SDK1: variants seen among roughly 807,000 people sequenced by gnomAD.
The protein encoded by SDK1 is sidekick cell adhesion molecule 1, also known as protein sidekick-1.
Under a neutral mutation model 245.5 loss-of-function variants are expected in SDK1, and 157 were observed. The ratio of observed to expected loss-of-function variants is 0.64; its 90% CI spans 0.56 to 0.73. The LOEUF (loss-of-function observed/expected upper bound fraction) is 0.73, where lower values mean the gene tolerates loss of function less well. SDK1 is among the 30% of genes least tolerant of loss of function. SDK1 has a pLI of 0.00. For synonymous variants in SDK1, 1,647 were observed against 1,278.5 expected (o/e 1.29, Z -6.15); for missense variants, 3,583 against 3,002.3 (o/e 1.19, Z -4.52).
chr7:3,427,521 CAA>C (rs57827479), intron 1 of SDK1, among the ~76,000 whole-genome samples: 9,626 of 96,108 alleles, frequency 0.1, 636 homozygotes, highest in African/African-American at 0.22. Context: ...CTCCATCTCC[CAA>C]AAAAAAAAAA....
intron 1 of SDK1, among the ~76,000 whole-genome samples, chr7:3,427,248 A>T (rs1222068804): frequency 6.6e-6 from 1 of 152,194 alleles, no homozygotes; most frequent in Non-Finnish European, 1.5e-5. Flanking sequence ...ACATTAGATG[A>T]AAGGCTCACA....
rs113668842 is a variant in SDK1 at position 3,409,175 on chromosome 7, T to G, written c.298+107291T>G. 3.9e-5 allele frequency among the ~76,000 whole-genome samples: 6 copies of G among 152,368 alleles called. 2 individuals carry two copies. Among genetic ancestry groups the G allele is most frequent in the African/African-American group, 1.4e-4 (6 of 41,590 alleles). On this transcript the variant is annotated intron_variant, in intron 1 of 44. Coordinates refer to ENST00000404826, the MANE Select transcript of SDK1 (RefSeq NM_152744.4). ...CTTCTGCTTCAGATTAACATGAGCC[T>G]TGTTATTCAATTTCATGTTGGTGTT... is the stretch of plus-strand genomic sequence containing the variant.
chr7:3,620,753 G>T (rs1344829882), intron 2 of SDK1, among the ~76,000 whole-genome samples: 2 of 152,106 alleles, frequency 1.3e-5, no homozygotes, highest in African/African-American at 4.8e-5. Flanking sequence ...CAAAGGCATG[G>T]ACACTCCCTG....
chr7:3,515,426 T>A (rs1038650188), intron 1 of SDK1, among the ~76,000 whole-genome samples: 1 of 152,212 alleles, frequency 6.6e-6, no homozygotes, highest in African/African-American at 2.4e-5. Flanking sequence ...GTAATTACTT[T>A]AATGACAGTG....
intron 22 of SDK1, among the ~76,000 whole-genome samples, chr7:4,092,155 G>C (rs1425469209): frequency 6.6e-6 from 1 of 152,216 alleles, no homozygotes; most frequent in Non-Finnish European, 1.5e-5. Context: ...AACAGTGCCT[G>C]TCTCACGGGT....
chr7:3,548,563 G>C (rs117141521), intron 1 of SDK1, among the ~76,000 whole-genome samples: 747 of 152,276 alleles, frequency 4.9e-3, no homozygotes, highest in Non-Finnish European at 8.2e-3. Flanking sequence ...TTGGTAAGTG[G>C]ATACATGATT....
At chr7:3,813,177 T>A (rs1196999831) in intron 4 of SDK1, among the ~76,000 whole-genome samples, 2 of 150,356 alleles carry the variant, frequency 1.3e-5, no homozygotes, top group Non-Finnish European at 3.0e-5. Context: ...TAGTTACATA[T>A]GTATACATGT....
intron 1 of SDK1, among the ~76,000 whole-genome samples, chr7:3,365,155 G>A (rs1040514442): frequency 1.1e-4 from 17 of 152,156 alleles, no homozygotes; most frequent in African/African-American, 4.1e-4. Flanking sequence ...TAAAGCCATT[G>A]AACATGGAGA....
Position 4,265,415 on chromosome 7 carries a change from C to T in SDK1, c.*31C>T. ...GCGCCGCGCCTCCCTCAGGGCGGAACGGAGGCAACTTTCCGGAGTCTATTT... is the reference window on the plus strand; with the variant it reads ...GCGCCGCGCCTCCCTCAGGGCGGAATGGAGGCAACTTTCCGGAGTCTATTT... On this transcript the variant is annotated 3_prime_UTR_variant, in exon 45 of 45. Coordinates refer to ENST00000404826, the MANE Select transcript of SDK1 (RefSeq NM_152744.4). 7.1e-7 allele frequency: 1 copy of T among 1,408,058 alleles called. No homozygotes were observed. Among genetic ancestry groups the T allele is most frequent in the Non-Finnish European group, 9.2e-7 (1 of 1,089,876 alleles). The allele number at this position is 1,408,058 out of a possible 1,614,324, so 87.2% of individuals were successfully genotyped here. A position where few individuals can be genotyped will look rare whatever the true frequency, so the allele number is the denominator to read the frequency against.
chr7:3,522,881 G>A (rs550401878), intron 1 of SDK1, among the ~76,000 whole-genome samples: 31 of 64,884 alleles, frequency 4.8e-4, no homozygotes, highest in African/African-American at 1.9e-3. Context: ...CTTTGTCTGC[G>A]GAGATCTGAT....
chr7:3,900,527 C>G (rs182374817), intron 5 of SDK1, among the ~76,000 whole-genome samples: 2 of 152,174 alleles, frequency 1.3e-5, no homozygotes, highest in African/African-American at 4.8e-5. Context: ...GCTTCATATC[C>G]TTATAGAATT....
At chr7:4,035,263 G>T (rs1211094014) in intron 17 of SDK1, among the ~76,000 whole-genome samples, 1 of 152,164 alleles carries the variant, frequency 6.6e-6, no homozygotes, top group East Asian at 1.9e-4. Flanking sequence ...GGGATTACAG[G>T]TGTGTGCCAC....
chr7:3,812,042 T>A (rs1779397916), intron 4 of SDK1, among the ~76,000 whole-genome samples: 1 of 152,210 alleles, frequency 6.6e-6, no homozygotes, highest in Admixed American at 6.5e-5. Flanking sequence ...ATTTATCTTT[T>A]TATGCCTTTG....
chr7:3,811,205 C>T (rs1779374778), intron 4 of SDK1, among the ~76,000 whole-genome samples: 1 of 152,148 alleles, frequency 6.6e-6, no homozygotes, highest in South Asian at 2.1e-4. Context: ...GAATTGTTAT[C>T]CCCATTTTAC....
chr7:4,175,645 C>T (rs906496455), intron 33 of SDK1, 130 bp from the exon 34 acceptor site: 73 of 788,526 alleles, frequency 9.3e-5, no homozygotes, highest in Admixed American at 1.7e-4. Flanking sequence ...TTTATTGCCC[C>T]GGGAGGCGCA....
intron 4 of SDK1, among the ~76,000 whole-genome samples, chr7:3,665,610 T>C (rs1783500402): frequency 6.6e-6 from 1 of 152,218 alleles, no homozygotes; most frequent in Non-Finnish European, 1.5e-5. Flanking sequence ...TTCCTTGTCC[T>C]TCTCTTTTTT....
At chr7:3,555,615 ACAAT>A (rs1253697527) in intron 1 of SDK1, among the ~76,000 whole-genome samples, 3 of 152,190 alleles carry the variant, frequency 2.0e-5, no homozygotes, top group African/African-American at 7.2e-5. Context: ...GCAAAGGAAA[ACAAT>A]CAACAAAGCA....
intron 4 of SDK1, among the ~76,000 whole-genome samples, chr7:3,677,477 T>A (rs1783941125): frequency 6.6e-6 from 1 of 152,132 alleles, no homozygotes; most frequent in Non-Finnish European, 1.5e-5. Context: ...ACAAGAGAGC[T>A]TGTGCAAGGG....
chr7:3,947,414 A>G (rs1458888153), intron 5 of SDK1, among the ~76,000 whole-genome samples: 1 of 152,192 alleles, frequency 6.6e-6, no homozygotes, highest in Non-Finnish European at 1.5e-5. Flanking sequence ...TATATTTACT[A>G]TGTAAAGATT....
Sources: allele counts gnomAD v4.1 joint callset (sites outside exome capture counted in the v4.1 genomes callset), GRCh38; gene constraint gnomAD v4.1.1; transcripts MANE v1.5; gene names NCBI Gene and HGNC (gene_info 2026-07-23, HGNC 2026-07-21).